Variants in MACF1 observed in about 807,000 individuals in gnomAD.
The protein encoded by MACF1 is microtubule actin crosslinking factor 1.
MACF1 carries 193 observed loss-of-function variants against 854.8 expected under a neutral mutation model. The observed-to-expected ratio is 0.23, with a 90% CI of 0.20 to 0.25. The LOEUF (loss-of-function observed/expected upper bound fraction) is 0.25, where lower values mean the gene tolerates loss of function less well. Ranked by LOEUF, MACF1 falls within the 10% of genes least tolerant of loss-of-function variation. MACF1 has a pLI of 1.00. For synonymous variants in MACF1, 3,185 were observed against 3,226.7 expected, an observed-to-expected ratio of 0.99 and a Z score of 0.44; for missense variants, 7,722 against 8,929.1, an observed-to-expected ratio of 0.86 and a Z score of 5.45.
intron 11 of MACF1, among the ~76,000 whole-genome samples, chr1:39,284,741 C>T (rs960907315): frequency 6.6e-6 from 1 of 152,110 alleles, no homozygotes; most frequent in African/African-American, 2.4e-5. Flanking sequence ...AGAAGAGAGA[C>T]TTCTATTCAG....
intron 2 of MACF1, among the ~76,000 whole-genome samples, chr1:39,231,524 A>G (rs1348659466): frequency 6.6e-6 from 1 of 151,992 alleles, no homozygotes; most frequent in Admixed American, 6.6e-5. Context: ...CTTTTTGAAA[A>G]CTAATATAGT....
chr1:39,303,567 T>C (rs773747049), intron 23 of MACF1, among the ~76,000 whole-genome samples: 4 of 148,848 alleles, frequency 2.7e-5, no homozygotes, highest in African/African-American at 7.4e-5. Context: ...AAAAAAAAGA[T>C]TGGGCTGGGC....
intron 49 of MACF1, among the ~76,000 whole-genome samples, chr1:39,362,715 A>G (rs1444081983): frequency 6.6e-6 from 1 of 152,204 alleles, no homozygotes; most frequent in African/African-American, 2.4e-5. Flanking sequence ...CTATTTATCC[A>G]AGGAGTCCCA....
chr1:39,156,836 T>C (rs1385497912), intron 2 of MACF1, among the ~76,000 whole-genome samples: 1 of 152,226 alleles, frequency 6.6e-6, no homozygotes, highest in East Asian at 1.9e-4. Context: ...ATGAACCATG[T>C]ATTTGTGTTT....
rs1191042193 is a variant in MACF1 at position 39,481,162 on chromosome 1, C to G, written c.22281+132C>G. 1.4e-5 allele frequency: 8 copies of G among 581,622 alleles called. No homozygotes were observed. The Admixed American group carries it at 2.6e-4, about 19-fold the overall frequency. The allele number at this position is 581,622 out of a possible 1,614,324, so 36.0% of individuals were successfully genotyped here. A position where few individuals can be genotyped will look rare whatever the true frequency, so the allele number is the denominator to read the frequency against. On this transcript the variant is annotated intron_variant, in intron 99 of 100. Transcript: ENST00000564288. ...GTGGTGCTTGCTGTCACAGCTGATT[C>G]ATCTAGTCCAGTGTTTTCAGGGGTT...
chr1:39,364,892 A>G (rs1459579843), intron 49 of MACF1, among the ~76,000 whole-genome samples: 1 of 152,196 alleles, frequency 6.6e-6, no homozygotes, highest in East Asian at 1.9e-4. Context: ...CACCCAGGTT[A>G]TGAAAAAATT....
intron 58 of MACF1, among the ~76,000 whole-genome samples, chr1:39,391,710 T>C (rs889560485): frequency 6.6e-6 from 1 of 152,256 alleles, no homozygotes; most frequent in African/African-American, 2.4e-5. Flanking sequence ...TTCTGACTTT[T>C]GATGTTGCTG....
rs1645884959 is a variant in MACF1 at position 39,295,668 on chromosome 1, C to T, written c.2260-119C>T. On this transcript the variant is annotated intron_variant, in intron 19 of 100. Coordinates refer to ENST00000564288, the MANE Select transcript of MACF1 (RefSeq NM_001394062.1). ...TGAGCAGATGCCAGTCAAGTATCTC[C>T]ACATCTTTTCTGTTGGCTTCTCTAT... 1.0e-5 allele frequency: 7 copies of T among 690,966 alleles called. No individual in the cohort carries two copies. The South Asian group carries it at 1.4e-4, about 14-fold the overall frequency. 42.8% of individuals were successfully genotyped at this position (690,966 alleles called of 1,614,324 possible). A position where few individuals can be genotyped will look rare whatever the true frequency, so the allele number is the denominator to read the frequency against.
intron 20 of MACF1, among the ~76,000 whole-genome samples, chr1:39,296,819 G>A (rs553343522): frequency 0.023 from 2,424 of 103,410 alleles, 108 homozygotes; most frequent in African/African-American, 0.13. Flanking sequence ...AGAAAGGAAG[G>A]AAGGAAGGAA....
intron 1 of MACF1, among the ~76,000 whole-genome samples, chr1:39,206,254 T>C (rs893318390): frequency 1.3e-5 from 2 of 152,168 alleles, no homozygotes; most frequent in African/African-American, 4.8e-5. Context: ...AGAAGTGTGT[T>C]TGATTGTGTG....
At chr1:39,265,597 G>C (rs1406181463) in intron 6 of MACF1, among the ~76,000 whole-genome samples, 1 of 152,208 alleles carries the variant, frequency 6.6e-6, no homozygotes, top group Admixed American at 6.5e-5. Flanking sequence ...CACAAAGCCT[G>C]TTTGATAGTA....
rs1186712875 is a variant in MACF1, at chr1:39,334,984, A to G, written c.8396A>G (p.Gln2799Arg). The change falls in exon 37 of 101, where the codon CAG (glutamine) becomes CGG (arginine). Residue 2799 changes from glutamine (Q) to arginine (R), a missense_variant. This residue lies in a region of MACF1 where 1,531 missense variants were observed against 1,601.6 expected (regional missense o/e 0.96). Transcript: ENST00000564288. ...AAGGATATGTTAATTGCTTGTAATC[A>G]GACTGCTGAAATGAGTTGTAATAAA... ...LGKDMLIACN[Q>R]TAEMSCNKVE... 1 of 1,614,042 alleles carries G rather than the reference A, an allele frequency of 6.2e-7. No individual in the cohort carries two copies. Among genetic ancestry groups the G allele is most frequent in the Non-Finnish European group, 8.5e-7 (1 of 1,179,998 alleles).
At position 39,370,135 on chromosome 1, in the gene MACF1, G is replaced by A. The variant is rs772952429; in HGVS notation, c.13044G>A (p.Thr4348=). 2.0e-5 allele frequency: 32 copies of A among 1,613,878 alleles called. No homozygotes were observed. In the Admixed American group the frequency reaches 3.0e-4, roughly 15 times the overall value. ...LKETEGSIPP[T]ETSMSAKELE... ...AAACTGAAGGGAGTATTCCACCTAC[G>A]GAAACTTCTATGAGTGCTAAAGAGT... is the stretch of plus-strand genomic sequence containing the variant. The change falls in exon 51 of 101, where the codon ACG becomes ACA. Residue 4348 remains threonine (T), a synonymous_variant. Transcript: ENST00000564288.
chr1:39,295,017 T>C (rs1465506763), intron 18 of MACF1, 29 bp from the exon 19 acceptor site: 3 of 1,528,764 alleles, frequency 2.0e-6, no homozygotes, highest in Non-Finnish European at 2.7e-6. Flanking sequence ...CAAGAGTGCT[T>C]ATGCTGTAAA....
At chr1:39,166,895 C>A (rs569232426) in intron 2 of MACF1, among the ~76,000 whole-genome samples, 8 of 152,194 alleles carry the variant, frequency 5.3e-5, no homozygotes, top group East Asian at 3.9e-4. Flanking sequence ...TATAGCTAAG[C>A]CAGTAAGTAT....
intron 65 of MACF1, 48 bp downstream of exon 65, chr1:39,430,116 C>G (rs745367669): frequency 1.3e-6 from 2 of 1,570,914 alleles, no homozygotes; most frequent in Non-Finnish European, 1.7e-6. Context: ...TCCTCTTTGT[C>G]AGAATCCTTA....
intron 1 of MACF1, among the ~76,000 whole-genome samples, chr1:39,222,263 C>T (rs1049895608): frequency 1.4e-4 from 21 of 152,132 alleles, no homozygotes; most frequent in African/African-American, 4.6e-4. Context: ...TAGCTGGGAC[C>T]ACAGGCGCAA....
Position 39,268,824 on chromosome 1 carries a change from C to G in MACF1, c.528+10796C>G, listed in dbSNP as rs1052707797. On this transcript the variant is annotated intron_variant, in intron 6 of 100. Transcript: ENST00000564288. ...GTGGAGAGGGAAGAAAATCCCTACT[C>G]CAGAGGCATCTCACCAGGAAGAAAC... is the stretch of plus-strand genomic sequence containing the variant. 4 of 1,289,760 alleles carry G rather than the reference C, an allele frequency of 3.1e-6. No homozygotes were observed. In the South Asian group the frequency reaches 4.9e-5, roughly 16 times the overall value. The allele number at this position is 1,289,760 out of a possible 1,614,324, so 79.9% of individuals were successfully genotyped here.
At chr1:39,132,887 C>T (rs1024816560) in intron 2 of MACF1, among the ~76,000 whole-genome samples, 3 of 152,158 alleles carry the variant, frequency 2.0e-5, no homozygotes, top group African/African-American at 4.8e-5. Context: ...AAGATTGTTT[C>T]GAATCCCTTT....
Sources: gnomAD v4.1 joint callset for allele counts (sites outside exome capture counted in the v4.1 genomes callset) on GRCh38, gnomAD v4.1.1 for gene constraint, gnomAD v4.1.1 regional missense constraint, MANE v1.5 for transcripts, NCBI Gene and HGNC (gene_info 2026-07-23, HGNC 2026-07-21) for gene names.